DPYD: variants seen among roughly 807,000 people sequenced by gnomAD.
DPYD encodes the protein dihydropyrimidine dehydrogenase, also known as dihydropyrimidine dehydrogenase [NADP(+)].
Under a neutral mutation model 116.2 loss-of-function variants are expected in DPYD, and 109 were observed. That is an observed-to-expected ratio of 0.94 (90% CI 0.80 to 1.10). The LOEUF is 1.10. Ranked by LOEUF, DPYD falls within the 50% of genes least tolerant of loss-of-function variation. DPYD has a pLI of 0.00. For synonymous variants in DPYD, 440 were observed against 432.0 expected, an observed-to-expected ratio of 1.02 and a Z score of -0.23; for missense variants, 1,302 against 1,254.5, an observed-to-expected ratio of 1.04 and a Z score of -0.57.
At chr1:97,651,305 C>T (rs989749563) in intron 8 of DPYD, among the ~76,000 whole-genome samples, 1 of 152,138 alleles carries the variant, frequency 6.6e-6, no homozygotes, top group African/African-American at 2.4e-5. Flanking sequence ...ATCCCCATGA[C>T]AAAGTGTACT....
intron 17 of DPYD, 32 bp downstream of exon 17, chr1:97,306,145 T>G (rs547316062): frequency 1.9e-6 from 3 of 1,611,508 alleles, no homozygotes; most frequent in Non-Finnish European, 2.5e-6. Context: ...ATATTTACAA[T>G]AGCGGGCAAC....
chr1:97,130,511 C>T (rs1653195515), intron 20 of DPYD, among the ~76,000 whole-genome samples: 1 of 152,056 alleles, frequency 6.6e-6, no homozygotes, highest in Non-Finnish European at 1.5e-5. Context: ...TTTTTAAACT[C>T]CCTTTATTAG....
At chr1:97,122,575 A>C (rs1652535256) in intron 20 of DPYD, among the ~76,000 whole-genome samples, 2 of 152,150 alleles carry the variant, frequency 1.3e-5, no homozygotes, top group South Asian at 2.1e-4. Context: ...TGAATGGTTA[A>C]GAATTCTTCA....
intron 18 of DPYD, among the ~76,000 whole-genome samples, chr1:97,264,043 A>G (rs1385058444): frequency 6.6e-6 from 1 of 151,994 alleles, no homozygotes; most frequent in African/African-American, 2.4e-5. Flanking sequence ...ATAAAATCAG[A>G]TCAATGCTGC....
At chr1:97,752,187 C>A (rs764400239) in intron 3 of DPYD, among the ~76,000 whole-genome samples, 1 of 151,954 alleles carries the variant, frequency 6.6e-6, no homozygotes, top group Non-Finnish European at 1.5e-5. Flanking sequence ...CCTCTTAGAA[C>A]TGTTGAGTTT....
At chr1:97,866,798 A>T (rs575633341) in intron 2 of DPYD, among the ~76,000 whole-genome samples, 2 of 152,012 alleles carry the variant, frequency 1.3e-5, no homozygotes, top group South Asian at 4.1e-4. Context: ...GAAAGTAAGG[A>T]AGTGCAGTAT....
intron 19 of DPYD, among the ~76,000 whole-genome samples, chr1:97,204,391 T>C (rs1343103351): frequency 2.0e-5 from 3 of 152,162 alleles, no homozygotes; most frequent in Non-Finnish European, 4.4e-5. Flanking sequence ...ATGGATCTAC[T>C]GGAACATGGT....
chr1:97,766,844 T>C (rs1008192398), intron 3 of DPYD, among the ~76,000 whole-genome samples: 1 of 152,200 alleles, frequency 6.6e-6, no homozygotes, highest in African/African-American at 2.4e-5. Context: ...TGCAACTTTC[T>C]ATAGGAAAGA....
chr1:97,514,138 T>C (rs1004048749), intron 13 of DPYD: 2 of 914,262 alleles, frequency 2.2e-6, no homozygotes, highest in African/African-American at 3.6e-5. Flanking sequence ...ATTGATAGAT[T>C]AAATTCAAAT....
chr1:97,361,145 T>C (rs1375478442), intron 16 of DPYD, among the ~76,000 whole-genome samples: 1 of 151,864 alleles, frequency 6.6e-6, no homozygotes, highest in Non-Finnish European at 1.5e-5. Context: ...CCCACAGAAA[T>C]ACAAACCACC....
At chr1:97,361,352 C>T (rs981306996) in intron 16 of DPYD, among the ~76,000 whole-genome samples, 9 of 152,172 alleles carry the variant, frequency 5.9e-5, no homozygotes, top group Non-Finnish European at 1.2e-4. Context: ...CAGACAGATT[C>T]ACAGCCGAAT....
intron 8 of DPYD, among the ~76,000 whole-genome samples, chr1:97,625,908 C>T (rs1656900658): frequency 6.6e-6 from 1 of 152,040 alleles, no homozygotes; most frequent in South Asian, 2.1e-4. Flanking sequence ...ATAATTGTGA[C>T]ATCACTGACA....
At chr1:97,092,600 G>T (rs1649966197) in intron 21 of DPYD, among the ~76,000 whole-genome samples, 1 of 152,040 alleles carries the variant, frequency 6.6e-6, no homozygotes, top group Admixed American at 6.6e-5. Context: ...AAATACATGT[G>T]CAGCTTCTAT....
chr1:97,235,845 G>C (rs1661886567), intron 18 of DPYD, among the ~76,000 whole-genome samples: 1 of 152,036 alleles, frequency 6.6e-6, no homozygotes, highest in South Asian at 2.1e-4. Flanking sequence ...AAAATAGGGA[G>C]TCTAATCCAA....
chr1:97,205,383 T>G (rs1275790712), intron 19 of DPYD, among the ~76,000 whole-genome samples: 1 of 151,894 alleles, frequency 6.6e-6, no homozygotes, highest in East Asian at 1.9e-4. Context: ...TAGTTTTGCC[T>G]TTTCCAATAT....
chr1:97,573,969 A>G lies in DPYD; in HGVS notation c.1130T>C (p.Met377Thr). 13 of 1,613,356 alleles carry G rather than the reference A, an allele frequency of 8.1e-6. No homozygotes were observed. Among genetic ancestry groups the G allele is most frequent in the Non-Finnish European group, 1.1e-5 (13 of 1,179,502 alleles). ...ACACTTTTCTTCCTTAGCAAGTTCCATCTAAAACAAAACAGAACAGAGAAG... is the reference window on the plus strand; with the variant it reads ...ACACTTTTCTTCCTTAGCAAGTTCCGTCTAAAACAAAACAGAACAGAGAAG... ...FVNIRAVPEEMELAKEEKCEF... is the reference protein window; with the variant it reads ...FVNIRAVPEETELAKEEKCEF... The change falls in exon 11 of 23, where the codon ATG becomes ACG. Residue 377 changes from methionine (M) to threonine (T), a missense_variant and splice_region_variant. Met to Thr is a moderately conservative substitution (Grantham distance 81). Coordinates refer to ENST00000370192, the MANE Select transcript of DPYD (RefSeq NM_000110.4).
At position 97,820,951 on chromosome 1, in the gene DPYD, T is replaced by C. The variant is rs566835049; in HGVS notation, c.233+7163A>G. On this transcript the variant is annotated intron_variant, in intron 3 of 22. Transcript: ENST00000370192. ...TTTTTTTATTAATGAGTATATTCTA[T>C]ATGTACCTCTTCTTTTTCAGAATCT... Among the ~76,000 whole-genome samples the C allele has an allele frequency of 2.0e-5, 3 of 152,284 alleles. No homozygotes were observed. In the South Asian group the frequency reaches 6.2e-4, roughly 32 times the overall value.
In DPYD at chr1:97,828,162, A is replaced by T; in HGVS notation, c.185T>A (p.Ile62Asn). 3 of 1,613,662 alleles carry T rather than the reference A, an allele frequency of 1.9e-6. No homozygotes were observed. Among genetic ancestry groups the T allele is most frequent in the Non-Finnish European group, 2.5e-6 (3 of 1,179,810 alleles). Reference protein sequence around the residue: ...CEKLENNFDDIKHTTLGERGA... With the variant: ...CEKLENNFDDNKHTTLGERGA... The stretch of plus-strand genomic sequence containing the variant: ...TCGCTCACCAAGAGTCGTGTGCTTG[A>T]TGTCATCAAAATTATTCTCCAGCTT... The change falls in exon 3 of 23, where the codon ATC (isoleucine) becomes AAC (asparagine). Residue 62 changes from isoleucine (I) to asparagine (N), a missense_variant. Physicochemically the swap from Ile to Asn is moderately radical, Grantham distance 149 (BLOSUM62 -3). Transcript: ENST00000370192.
At chr1:97,126,931 T>C (rs1652889024) in intron 20 of DPYD, among the ~76,000 whole-genome samples, 1 of 152,206 alleles carries the variant, frequency 6.6e-6, no homozygotes, top group Admixed American at 6.5e-5. Context: ...CCTTTATTCA[T>C]TCAACAAATA....
Sources: allele counts gnomAD v4.1 joint callset (sites outside exome capture counted in the v4.1 genomes callset), GRCh38; gene constraint gnomAD v4.1.1; transcripts MANE v1.5; gene names NCBI Gene and HGNC (gene_info 2026-07-23, HGNC 2026-07-21).